PCDH7: variants seen among roughly 807,000 people sequenced by gnomAD.
The protein encoded by PCDH7 is protocadherin-7.
In PCDH7, 17 loss-of-function variants were observed where a neutral mutation model predicts 58.9. That is an observed-to-expected ratio of 0.29 (90% CI 0.20 to 0.43). The LOEUF is 0.43. PCDH7 is among the 20% of genes least tolerant of loss of function. The pLI, the probability that PCDH7 is intolerant of heterozygous loss-of-function variation, is 1.00. For missense variants in PCDH7, 1,274 were observed against 1,441.0 expected (o/e 0.88, Z 1.88); for synonymous variants, 664 against 616.4 (o/e 1.08, Z -1.14).
chr4:30,895,242 A>T (rs1024244501), intron 1 of PCDH7, among the ~76,000 whole-genome samples: 2 of 151,968 alleles, frequency 1.3e-5, no homozygotes, highest in Non-Finnish European at 2.9e-5. Flanking sequence ...CAATTTAATC[A>T]GGAAAACAGG....
chr4:30,981,451 A>G (rs1750559304), intron 3 of PCDH7, among the ~76,000 whole-genome samples: 1 of 152,168 alleles, frequency 6.6e-6, no homozygotes. Flanking sequence ...GTAGCACATG[A>G]AGCTTTGAGC....
At chr4:31,073,578 A>G (rs1758732844) in intron 3 of PCDH7, among the ~76,000 whole-genome samples, 1 of 152,174 alleles carries the variant, frequency 6.6e-6, no homozygotes, top group African/African-American at 2.4e-5. Context: ...AGACTATGGC[A>G]TCTACCTAAG....
At chr4:30,843,121 A>G (rs1274793407) in intron 1 of PCDH7, among the ~76,000 whole-genome samples, 1 of 149,664 alleles carries the variant, frequency 6.7e-6, no homozygotes, top group East Asian at 2.0e-4. Flanking sequence ...GTGTCAGTTG[A>G]GCTATATATT....
intron 3 of PCDH7, among the ~76,000 whole-genome samples, chr4:31,055,882 A>G (rs1397172955): frequency 6.6e-6 from 1 of 152,106 alleles, no homozygotes; most frequent in Non-Finnish European, 1.5e-5. Context: ...GCACCCAGCC[A>G]TATAAAGGCT....
intron 3 of PCDH7, among the ~76,000 whole-genome samples, chr4:30,982,767 C>T (rs1750676196): frequency 6.6e-6 from 1 of 152,010 alleles, no homozygotes. Flanking sequence ...CCACTCTTTC[C>T]GTTGTATGAT....
intron 2 of PCDH7, among the ~76,000 whole-genome samples, chr4:30,941,218 G>A (rs1342590450): frequency 6.6e-6 from 1 of 151,902 alleles, no homozygotes; most frequent in Non-Finnish European, 1.5e-5. Context: ...AGTATTTCAA[G>A]TAGATAGGGT....
At chr4:30,770,569 G>A (rs1293074963) in intron 1 of PCDH7, among the ~76,000 whole-genome samples, 2 of 152,172 alleles carry the variant, frequency 1.3e-5, no homozygotes, top group East Asian at 1.9e-4. Flanking sequence ...TTCATTCACT[G>A]CAGTAACAGT....
exon 1 of PCDH7, chr4:30,724,333 C>T (rs1714292266): frequency 6.2e-7 from 1 of 1,614,102 alleles, no homozygotes; most frequent in Non-Finnish European, 8.5e-7. Context: ...CAATGAGAAG[C>T]TGTCAGACAG....
chr4:30,779,817 GTAGCTCTCAATTTTT>G lies in PCDH7; in HGVS notation c.70+55225_70+55239del, dbSNP rs1335372090. Among the ~76,000 whole-genome samples, 7 of 152,140 alleles carry G rather than the reference GTAGCTCTCAATTTTT, an allele frequency of 4.6e-5. 1 individual carries two copies. The highest frequency in any genetic ancestry group is 1.0e-4 in the Non-Finnish European group (7 of 68,028). On this transcript the variant is annotated intron_variant, in intron 1 of 3. Transcript: ENST00000509759. ...TCTGTGGGTGTTCAAGGCTCCCCAA[GTAGCTCTCAATTTTT>G]TAGGCACATGATTGCAATTTTAGTG...
chr4:30,824,139 CTTT>C (rs1728791548), intron 1 of PCDH7, among the ~76,000 whole-genome samples: 3 of 138,246 alleles, frequency 2.2e-5, no homozygotes, highest in East Asian at 2.2e-4. Flanking sequence ...TTCTTTCTTT[CTTT>C]CTTTCTTTCT....
intron 2 of PCDH7, among the ~76,000 whole-genome samples, chr4:30,923,170 G>T (rs1302821380): frequency 6.6e-6 from 1 of 151,914 alleles, no homozygotes; most frequent in African/African-American, 2.4e-5. Flanking sequence ...CATTTTTCTT[G>T]AATTTTAACC....
At chr4:31,044,883 G>C (rs1332462569) in intron 3 of PCDH7, among the ~76,000 whole-genome samples, 2 of 152,018 alleles carry the variant, frequency 1.3e-5, no homozygotes, top group Non-Finnish European at 2.9e-5. Context: ...TTCCCAAGTT[G>C]AAACACAAGT....
chr4:30,886,123 G>A (rs1489145103), intron 1 of PCDH7, among the ~76,000 whole-genome samples: 2 of 150,980 alleles, frequency 1.3e-5, no homozygotes, highest in Non-Finnish European at 2.9e-5. Flanking sequence ...TTGACAAATG[G>A]GATCTAATTA....
chr4:31,085,279 C>T (rs1412530204), intron 3 of PCDH7, among the ~76,000 whole-genome samples: 5 of 152,080 alleles, frequency 3.3e-5, no homozygotes, highest in African/African-American at 1.2e-4. Context: ...CCAGCTGGTC[C>T]ATCAAGTTGC....
intron 1 of PCDH7, among the ~76,000 whole-genome samples, chr4:30,788,834 G>T (rs1723752849): frequency 6.6e-6 from 1 of 152,046 alleles, no homozygotes. Context: ...GAGTTCATGG[G>T]TATTCAGACT....
At chr4:30,904,216 C>T (rs1403687939) in intron 1 of PCDH7, among the ~76,000 whole-genome samples, 1 of 152,180 alleles carries the variant, frequency 6.6e-6, no homozygotes, top group African/African-American at 2.4e-5. Context: ...AAACAATGCA[C>T]ATTTGTTACC....
At chr4:31,021,531 G>A (rs907342345) in intron 3 of PCDH7, among the ~76,000 whole-genome samples, 12 of 152,146 alleles carry the variant, frequency 7.9e-5, no homozygotes, top group African/African-American at 2.7e-4. Flanking sequence ...AACATACATT[G>A]ACTGTTTGCT....
intron 1 of PCDH7, among the ~76,000 whole-genome samples, chr4:30,822,054 T>C (rs1164602687): frequency 2.6e-5 from 4 of 152,072 alleles, no homozygotes; most frequent in African/African-American, 9.7e-5. Flanking sequence ...GATCGGTATC[T>C]CAGATATTGG....
intron 3 of PCDH7, among the ~76,000 whole-genome samples, chr4:31,044,565 T>G (rs1255991703): frequency 6.6e-6 from 1 of 152,040 alleles, no homozygotes; most frequent in African/African-American, 2.4e-5. Context: ...TTCAATTTTA[T>G]GTATTTTATC....
Sources: gnomAD v4.1 joint callset for allele counts (sites outside exome capture counted in the v4.1 genomes callset) on GRCh38, gnomAD v4.1.1 for gene constraint, MANE v1.5 for transcripts, NCBI Gene and HGNC (gene_info 2026-07-23, HGNC 2026-07-21) for gene names.